The following ACTMAP variants were observed in gnomAD, a reference collection of about 807,000 sequenced individuals.
ACTMAP encodes actin maturation protease, also known as UPF0692 protein C19orf54.
chr19:40,746,541 A>G, the ACTMAP span, among the ~76,000 whole-genome samples: 1 of 151,780 alleles, frequency 6.6e-6, no homozygotes, highest in African/African-American at 2.4e-5. Flanking sequence ...ACACCTGGCT[A>G]ATTTTTTGTA....
the ACTMAP span, among the ~76,000 whole-genome samples, chr19:40,746,960 C>T: frequency 6.6e-6 from 1 of 152,116 alleles, no homozygotes; most frequent in East Asian, 1.9e-4. Flanking sequence ...GTGTGTGCCA[C>T]CATTTCCGGC....
At chr19:40,747,401 G>A in the ACTMAP span, among the ~76,000 whole-genome samples, 3 of 151,992 alleles carry the variant, frequency 2.0e-5, no homozygotes, top group Admixed American at 6.6e-5. Context: ...AGCCAGGCGT[G>A]GTGGTGGGCA....
At chr19:40,742,312 AAGG>A in the ACTMAP span, 6 of 1,020,632 alleles carry the variant, frequency 5.9e-6, no homozygotes, top group African/African-American at 6.4e-5. Context: ...GGCCCTGATG[AAGG>A]AGGACTGGAG....
the ACTMAP span, chr19:40,742,435 A>G: frequency 1.1e-5 from 16 of 1,457,440 alleles, no homozygotes; most frequent in Non-Finnish European, 1.4e-5. Flanking sequence ...AGCCGCAGCT[A>G]ATGGCTGCAG....
At chr19:40,749,513 A>G in the ACTMAP span, 179 of 1,550,834 alleles carry the variant, frequency 1.2e-4, no homozygotes, top group Non-Finnish European at 1.5e-4. Context: ...GCCTCTTCAC[A>G]TCTTCTCTGC....
At chr19:40,744,544 A>G in the ACTMAP span, 1 of 1,612,874 alleles carries the variant, frequency 6.2e-7, no homozygotes, top group Non-Finnish European at 8.5e-7. Context: ...TGGAGCATGC[A>G]GTCACCCAGC....
the ACTMAP span, chr19:40,742,497 C>T: frequency 3.3e-6 from 5 of 1,512,692 alleles, no homozygotes; most frequent in Non-Finnish European, 3.5e-6. Flanking sequence ...CCGTACCCCA[C>T]CCACGGGCAC....
the ACTMAP span, chr19:40,743,841 G>C: frequency 2.5e-6 from 4 of 1,578,768 alleles, no homozygotes; most frequent in Non-Finnish European, 3.5e-6. Flanking sequence ...GAGAATGTCA[G>C]GAGGATTAAT....
chr19:40,747,111 CTTA>C, the ACTMAP span, among the ~76,000 whole-genome samples: 765 of 152,142 alleles, frequency 5.0e-3, 9 homozygotes, highest in African/African-American at 0.018. Context: ...CCGGCCCATG[CTTA>C]TTATTCCTAT....
chr19:40,749,988 G>T, the ACTMAP span: 2 of 491,994 alleles, frequency 4.1e-6, no homozygotes, highest in East Asian at 3.6e-5. Context: ...GGAATTGCGA[G>T]GCTGACTCAA....
chr19:40,742,502 G>T, the ACTMAP span: 1 of 1,518,728 alleles, frequency 6.6e-7, no homozygotes, highest in Non-Finnish European at 8.8e-7. Context: ...CCCCACCCAC[G>T]GGCACCACGT....
chr19:40,750,303 G>C, the ACTMAP span: 1 of 152,436 alleles, frequency 6.6e-6, no homozygotes, highest in Non-Finnish European at 1.5e-5. Context: ...CAGAGGTCAA[G>C]AGGTCAAAAA....
the ACTMAP span, among the ~76,000 whole-genome samples, chr19:40,746,809 C>G: frequency 6.6e-6 from 1 of 151,984 alleles, no homozygotes; most frequent in Non-Finnish European, 1.5e-5. Flanking sequence ...CCATGCCCGG[C>G]CTCCTTTTTT....
At chr19:40,744,336 G>T in the ACTMAP span, 16 of 1,382,080 alleles carry the variant, frequency 1.2e-5, no homozygotes, top group South Asian at 2.2e-4. Flanking sequence ...CACAAAGAGC[G>T]TGAGTGGCTT....
chr19:40,740,878 T>C, the ACTMAP span: 1 of 398,194 alleles, frequency 2.5e-6, no homozygotes, highest in Non-Finnish European at 4.4e-6. Context: ...GAGCTTTTTA[T>C]TTTGCATCTG....
At chr19:40,749,703 C>G in the ACTMAP span, 1 of 1,521,922 alleles carries the variant, frequency 6.6e-7, no homozygotes, top group Non-Finnish European at 8.8e-7. Flanking sequence ...GTCCAGGGGA[C>G]TTGGGGGTAG....
the ACTMAP span, chr19:40,742,828 G>A: frequency 6.7e-7 from 1 of 1,494,178 alleles, no homozygotes; most frequent in South Asian, 1.3e-5. Context: ...AGGTGCTGGG[G>A]CTCACTAAGT....
the ACTMAP span, among the ~76,000 whole-genome samples, chr19:40,742,968 G>A: frequency 6.6e-6 from 1 of 152,178 alleles, no homozygotes; most frequent in African/African-American, 2.4e-5. Flanking sequence ...GGTGTTTTAA[G>A]TCTTGCCTCA....
At chr19:40,746,295 C>A in the ACTMAP span, among the ~76,000 whole-genome samples, 6 of 152,064 alleles carry the variant, frequency 3.9e-5, no homozygotes, top group Non-Finnish European at 5.9e-5. Flanking sequence ...TCTTGGCTCA[C>A]CACAACCTCC....
Sources: gnomAD v4.1 joint callset for allele counts (sites outside exome capture counted in the v4.1 genomes callset) on GRCh38, gnomAD v4.1.1 for gene constraint, MANE v1.5 for transcripts, NCBI Gene and HGNC (gene_info 2026-07-23, HGNC 2026-07-21) for gene names.